SLC1A2: variants seen among roughly 807,000 people sequenced by gnomAD.
SLC1A2 encodes solute carrier family 1 member 2.
A neutral mutation model predicts 48.8 loss-of-function variants in SLC1A2; 15 were observed. That is an observed-to-expected ratio of 0.31 (90% CI 0.21 to 0.47). The LOEUF is 0.47. SLC1A2 is among the 20% of genes least tolerant of loss of function. The pLI is 0.99. For synonymous variants in SLC1A2, 279 were observed against 272.6 expected (o/e 1.02, Z -0.23); for missense variants, 502 against 730.5 (o/e 0.69, Z 3.61).
At chr11:35,273,594 G>A (rs923949680) in intron 9 of SLC1A2, among the ~76,000 whole-genome samples, 2 of 152,158 alleles carry the variant, frequency 1.3e-5, no homozygotes, top group African/African-American at 4.8e-5. Context: ...TTTTAGTCCA[G>A]GTGAAAAGGG....
intron 8 of SLC1A2, chr11:35,285,207 A>G (rs1372968189): frequency 2.0e-5 from 3 of 152,238 alleles, no homozygotes; most frequent in Admixed American, 1.3e-4. Flanking sequence ...GAAGAGGTAA[A>G]CTGTGGAATA....
chr11:35,394,035 C>T (rs1228043889), intron 1 of SLC1A2, among the ~76,000 whole-genome samples: 1 of 152,052 alleles, frequency 6.6e-6, no homozygotes, highest in Non-Finnish European at 1.5e-5. Flanking sequence ...CAACTGAGCC[C>T]TTCCTTCCTC....
chr11:35,333,835 T>A (rs75746114), intron 1 of SLC1A2, among the ~76,000 whole-genome samples: 4 of 81,482 alleles, frequency 4.9e-5, no homozygotes, highest in African/African-American at 1.8e-4. Context: ...TAATTTTTTT[T>A]TTTTTTTTTT....
At chr11:35,370,417 G>A (rs1854017306) in intron 1 of SLC1A2, among the ~76,000 whole-genome samples, 1 of 152,140 alleles carries the variant, frequency 6.6e-6, no homozygotes, top group East Asian at 1.9e-4. Flanking sequence ...CCTCAAAGAA[G>A]GAGTCAAATT....
intron 9 of SLC1A2, among the ~76,000 whole-genome samples, chr11:35,272,008 T>C (rs1850293158): frequency 6.6e-6 from 1 of 152,024 alleles, no homozygotes; most frequent in African/African-American, 2.4e-5. Context: ...TTCAAGATGA[T>C]TGATTGAGAA....
chr11:35,416,341 G>C (rs1855602888), intron 1 of SLC1A2, among the ~76,000 whole-genome samples: 2 of 152,204 alleles, frequency 1.3e-5, no homozygotes, highest in African/African-American at 4.8e-5. Context: ...GCTTTGCCAA[G>C]TCTTGGAATC....
chr11:35,340,931 G>T (rs1189715429), intron 1 of SLC1A2, among the ~76,000 whole-genome samples: 1 of 152,150 alleles, frequency 6.6e-6, no homozygotes, highest in Non-Finnish European at 1.5e-5. Context: ...AATTATGTAA[G>T]CATAATCCTG....
At chr11:35,315,808 A>AAAAAAAAAAAAAGAAAG (rs371762829) in intron 2 of SLC1A2, 1 of 139,368 alleles carries the variant, frequency 7.2e-6, no homozygotes, top group African/African-American at 2.7e-5. Context: ...AAAAAAAAAA[A>AAAAAAAAAAAAAGAAAG]AAAGAAAGAA....
intron 1 of SLC1A2, among the ~76,000 whole-genome samples, chr11:35,376,514 A>G (rs1854235105): frequency 6.6e-6 from 1 of 152,220 alleles, no homozygotes; most frequent in Admixed American, 6.5e-5. Flanking sequence ...TATAAGTCTA[A>G]AATTGTCTGA....
At chr11:35,349,871 T>C (rs567709361) in intron 1 of SLC1A2, among the ~76,000 whole-genome samples, 2 of 152,306 alleles carry the variant, frequency 1.3e-5, no homozygotes, top group Admixed American at 6.5e-5. Context: ...TTTGTACTTA[T>C]GTTTTCCAGC....
rs1475869243 is a variant in SLC1A2, at chr11:35,251,610, CAA to C, written c.*9282_*9283del. ...TTTGTTCTGGACATACAAGAATTTTCAAAGAGAATCCTGCATAAAGCCCAGTT... is the reference window on the plus strand; with the variant it reads ...TTTGTTCTGGACATACAAGAATTTTCAGAGAATCCTGCATAAAGCCCAGTT... On this transcript the variant is annotated 3_prime_UTR_variant, in exon 11 of 11. Coordinates refer to ENST00000278379, the MANE Select transcript of SLC1A2 (RefSeq NM_004171.4). 4 of 152,362 alleles carry C rather than the reference CAA, an allele frequency of 2.6e-5. No individual in the cohort carries two copies. Among genetic ancestry groups the C allele is most frequent in the African/African-American group, 9.7e-5 (4 of 41,438 alleles). 9.4% of individuals were successfully genotyped at this position (152,362 alleles called of 1,614,324 possible).
intron 6 of SLC1A2, among the ~76,000 whole-genome samples, chr11:35,300,734 T>C (rs991979371): frequency 6.6e-6 from 1 of 152,212 alleles, no homozygotes; most frequent in Admixed American, 6.5e-5. Context: ...TCTCTTTTCA[T>C]GCTGAGCGAG....
intron 1 of SLC1A2, among the ~76,000 whole-genome samples, chr11:35,377,449 C>T (rs775332806): frequency 1.3e-5 from 2 of 152,188 alleles, no homozygotes; most frequent in Non-Finnish European, 2.9e-5. Flanking sequence ...GCTCTACACC[C>T]GTCATTCCAT....
chr11:35,296,704 T>C (rs1033730354), intron 6 of SLC1A2, among the ~76,000 whole-genome samples: 10 of 152,232 alleles, frequency 6.6e-5, no homozygotes, highest in African/African-American at 1.7e-4. Flanking sequence ...CACTTCTTCC[T>C]CTTGGAATAT....
At chr11:35,298,036 T>A (rs1485184669) in intron 6 of SLC1A2, 1 of 152,200 alleles carries the variant, frequency 6.6e-6, no homozygotes, top group East Asian at 1.9e-4. Flanking sequence ...AAGAAATTGA[T>A]GTAGGTATCA....
intron 7 of SLC1A2, among the ~76,000 whole-genome samples, chr11:35,289,086 C>A (rs963457303): frequency 2.0e-5 from 3 of 152,142 alleles, no homozygotes; most frequent in Non-Finnish European, 4.4e-5. Context: ...ATTTGAAATG[C>A]TTCTTTTGTT....
intron 1 of SLC1A2, among the ~76,000 whole-genome samples, chr11:35,372,288 A>T (rs1854088323): frequency 6.6e-6 from 1 of 152,184 alleles, no homozygotes; most frequent in Admixed American, 6.5e-5. Flanking sequence ...TTCATCAACA[A>T]ATCACGCCAC....
At chr11:35,284,984 A>T (rs1850764989) in intron 8 of SLC1A2, among the ~76,000 whole-genome samples, 1 of 152,236 alleles carries the variant, frequency 6.6e-6, no homozygotes, top group Non-Finnish European at 1.5e-5. Context: ...GTTGAATAAC[A>T]TGAACCAAGC....
chr11:35,354,325 T>C (rs889641369), intron 1 of SLC1A2, among the ~76,000 whole-genome samples: 1 of 151,972 alleles, frequency 6.6e-6, no homozygotes, highest in African/African-American at 2.4e-5. Context: ...CCAGGCATGA[T>C]GGTGCACACC....
Sources: allele counts gnomAD v4.1 joint callset (sites outside exome capture counted in the v4.1 genomes callset), GRCh38; gene constraint gnomAD v4.1.1; transcripts MANE v1.5; gene names NCBI Gene and HGNC (gene_info 2026-07-23, HGNC 2026-07-21).